The following KIRREL3 variants were observed in gnomAD, a reference collection of about 807,000 sequenced individuals.
KIRREL3 encodes kin of IRRE-like protein 3.
KIRREL3 carries 36 observed loss-of-function variants against 89.7 expected under a neutral mutation model. The ratio of observed to expected loss-of-function variants is 0.40; its 90% CI spans 0.31 to 0.53. KIRREL3 has a LOEUF of 0.53. Ranked by LOEUF, KIRREL3 falls within the 20% of genes least tolerant of loss-of-function variation. The pLI, the probability that KIRREL3 is intolerant of heterozygous loss-of-function variation, is 0.49. For synonymous variants in KIRREL3, 445 were observed against 441.4 expected, an observed-to-expected ratio of 1.01 and a Z score of -0.10; for missense variants, 864 against 1,056.6, an observed-to-expected ratio of 0.82 and a Z score of 2.53.
In KIRREL3 at chr11:126,891,163, C is replaced by T. The variant is rs1243075424; in HGVS notation, c.55+109292G>A. ...CACATGGGTTTGAAGTGTACATAAGCCACAGTGGAAACATCTGAGAAGCGT... is the reference window on the plus strand; with the variant it reads ...CACATGGGTTTGAAGTGTACATAAGTCACAGTGGAAACATCTGAGAAGCGT... On this transcript the variant is annotated intron_variant, in intron 1 of 16. Coordinates refer to ENST00000525144, the MANE Select transcript of KIRREL3 (RefSeq NM_032531.4). This position sits in a 1 kb window ranked among gnomAD's most constrained non-coding sequence, Gnocchi z 5.1. Among the ~76,000 whole-genome samples, 1 of 152,096 alleles carries T rather than the reference C, an allele frequency of 6.6e-6. No individual in the cohort carries two copies.
intron 1 of KIRREL3, among the ~76,000 whole-genome samples, chr11:126,662,669 T>G (rs1945460688): frequency 6.6e-6 from 1 of 152,224 alleles, no homozygotes; most frequent in Non-Finnish European, 1.5e-5. Context: ...CTCTCAATAC[T>G]GTCACGTTGG....
rs1425765366 is a variant in KIRREL3 at position 126,640,178 on chromosome 11, T to A, written c.56-77266A>T. ...CTCTATGATTTTCTGTCTATCTCAC[T>A]CACCCTTCAGCTGGTGAGTGGTCCC... On this transcript the variant is annotated intron_variant, in intron 1 of 16. Transcript: ENST00000525144. This position sits in a 1 kb window ranked among gnomAD's most constrained non-coding sequence, Gnocchi z 4.9. 6.6e-6 allele frequency among the ~76,000 whole-genome samples: 1 copy of A among 152,138 alleles called. No homozygotes were observed. Among genetic ancestry groups the A allele is most frequent in the Non-Finnish European group, 1.5e-5 (1 of 68,024 alleles).
rs902278382 is a variant in KIRREL3, at chr11:126,519,438, C to A, written c.433+1877G>T. 3.3e-5 allele frequency among the ~76,000 whole-genome samples: 5 copies of A among 152,192 alleles called. No individual in the cohort carries two copies. The highest frequency in any genetic ancestry group is 4.8e-5 in the African/African-American group (2 of 41,430). ...TCCATTCTCTCATCTGTAAAACATT[C>A]GAAATAATCTGGACTTTTAATACGT... On this transcript the variant is annotated intron_variant, in intron 4 of 16. Transcript: ENST00000525144. This position sits in a 1 kb window ranked among gnomAD's most constrained non-coding sequence, Gnocchi z 4.3.
In KIRREL3 at chr11:126,477,710, C is replaced by T. The variant is rs576115446; in HGVS notation, c.434-4244G>A. Among the ~76,000 whole-genome samples, 12 of 152,296 alleles carry T rather than the reference C, an allele frequency of 7.9e-5. No homozygotes were observed. The highest frequency in any genetic ancestry group is 2.0e-4 in the Admixed American group (3 of 15,304). On this transcript the variant is annotated intron_variant, in intron 4 of 16. Transcript: ENST00000525144. This position sits in a 1 kb window ranked among gnomAD's most constrained non-coding sequence, Gnocchi z 4.8. ...ACAAGGACAGCACTGAGGGAATTTCCTCCAGTGTCCACTTGGTCACCCAAC... is the reference window on the plus strand; with the variant it reads ...ACAAGGACAGCACTGAGGGAATTTCTTCCAGTGTCCACTTGGTCACCCAAC...
chr11:126,911,224 G>T (rs1262979997), intron 1 of KIRREL3, among the ~76,000 whole-genome samples: 1 of 152,130 alleles, frequency 6.6e-6, no homozygotes, highest in East Asian at 1.9e-4. Context: ...GCAGAAAGGA[G>T]ACCAGCAAAT....
At chr11:126,941,080 C>G (rs947816132) in intron 1 of KIRREL3, among the ~76,000 whole-genome samples, 1 of 152,042 alleles carries the variant, frequency 6.6e-6, no homozygotes, top group Non-Finnish European at 1.5e-5. Flanking sequence ...ATTCAGACAC[C>G]ATTCATGATG....
At position 126,902,990 on chromosome 11, in the gene KIRREL3, TA is replaced by T. The variant is rs60361441; in HGVS notation, c.55+97464del. 2.5e-4 allele frequency among the ~76,000 whole-genome samples: 38 copies of T among 152,002 alleles called. 1 individual carries two copies. Among genetic ancestry groups the T allele is most frequent in the African/African-American group, 7.0e-4 (29 of 41,492 alleles). On this transcript the variant is annotated intron_variant, in intron 1 of 16. Coordinates refer to ENST00000525144, the MANE Select transcript of KIRREL3 (RefSeq NM_032531.4). ...TACTTCATCTGAATAATACTTTTTT[TA>T]AAAAAAAGGAAGCCCAGCGTCCTAT... is the stretch of plus-strand genomic sequence containing the variant.
At position 126,891,543 on chromosome 11, in the gene KIRREL3, C is replaced by T. The variant is rs1474990184; in HGVS notation, c.55+108912G>A. On this transcript the variant is annotated intron_variant, in intron 1 of 16. Transcript: ENST00000525144. This position sits in a 1 kb window ranked among gnomAD's most constrained non-coding sequence, Gnocchi z 5.1. Reference sequence around the variant, plus strand: ...TGGATGGATTCCTTGGAAAGAGATGCACAGGGTGCTCCGACTGTTAGTCTG... The same window carrying T: ...TGGATGGATTCCTTGGAAAGAGATGTACAGGGTGCTCCGACTGTTAGTCTG... 6.6e-6 allele frequency among the ~76,000 whole-genome samples: 1 copy of T among 152,208 alleles called. No homozygotes were observed. The highest frequency in any genetic ancestry group is 1.9e-4 in the East Asian group (1 of 5,190).
In KIRREL3 at chr11:126,697,146, A is replaced by T. The variant is rs1311565687; in HGVS notation, c.56-134234T>A. Among the ~76,000 whole-genome samples, 1 of 152,112 alleles carries T rather than the reference A, an allele frequency of 6.6e-6. No homozygotes were observed. Among genetic ancestry groups the T allele is most frequent in the Non-Finnish European group, 1.5e-5 (1 of 68,024 alleles). ...CCTCCTTGCAAATGAAGGCTTAGTC[A>T]CTTCCTCCGCTGGTCCCCCAGACCT... On this transcript the variant is annotated intron_variant, in intron 1 of 16. Transcript: ENST00000525144. The surrounding 1 kb of genome is among the most constrained non-coding windows in gnomAD (Gnocchi z 4.2).
At position 126,744,967 on chromosome 11, in the gene KIRREL3, G is replaced by A. The variant is rs375482750; in HGVS notation, c.56-182055C>T. On this transcript the variant is annotated intron_variant, in intron 1 of 16. Coordinates refer to ENST00000525144, the MANE Select transcript of KIRREL3 (RefSeq NM_032531.4). The surrounding 1 kb of genome is among the most constrained non-coding windows in gnomAD (Gnocchi z 4.7). ...CTTTCAGACACATTAGGTTGGAGGT[G>A]ATGCGAACTGTCTTGCTGGAAGTGT... 7.2e-5 allele frequency among the ~76,000 whole-genome samples: 11 copies of A among 152,166 alleles called. No individual in the cohort carries two copies. Among genetic ancestry groups the A allele is most frequent in the African/African-American group, 2.7e-4 (11 of 41,422 alleles).
rs1357436219 is a variant in KIRREL3 at position 126,521,704 on chromosome 11, G to C, written c.284-240C>G. Among the ~76,000 whole-genome samples, 50 of 149,720 alleles carry C rather than the reference G, an allele frequency of 3.3e-4. No homozygotes were observed. Among genetic ancestry groups the C allele is most frequent in the African/African-American group, 1.2e-3 (48 of 40,378 alleles). The stretch of plus-strand genomic sequence containing the variant: ...TGTGTGTGTGTGTGTGTGTGTGTGT[G>C]TGTGTGTGTGTGTGTGTGTGTGTGT... On this transcript the variant is annotated intron_variant, in intron 3 of 16. Coordinates refer to ENST00000525144, the MANE Select transcript of KIRREL3 (RefSeq NM_032531.4). This position sits in a 1 kb window ranked among gnomAD's most constrained non-coding sequence, Gnocchi z 4.1.
At chr11:126,593,103 AG>A (rs2134715806) in intron 1 of KIRREL3, among the ~76,000 whole-genome samples, 1 of 152,296 alleles carries the variant, frequency 6.6e-6, no homozygotes, top group East Asian at 1.9e-4. Flanking sequence ...ATAGGAAAAA[AG>A]CCAGGGCTTT....
In KIRREL3 at chr11:126,723,160, A is replaced by G. The variant is rs116590022; in HGVS notation, c.56-160248T>C. On this transcript the variant is annotated intron_variant, in intron 1 of 16. Transcript: ENST00000525144. This position sits in a 1 kb window ranked among gnomAD's most constrained non-coding sequence, Gnocchi z 4.0. The stretch of plus-strand genomic sequence containing the variant: ...TGGTTTGTTCGTCTCCGTCCCAGGC[A>G]TCTATCTCAGAGCCTGCAGCCCTGA... 6.6e-6 allele frequency among the ~76,000 whole-genome samples: 1 copy of G among 152,028 alleles called. No individual in the cohort carries two copies. The highest frequency in any genetic ancestry group is 1.5e-5 in the Non-Finnish European group (1 of 68,032).
chr11:126,622,902 C>A lies in KIRREL3; in HGVS notation c.56-59990G>T, dbSNP rs1249544542. ...CATCCTTATGAAAAGCAGATACTAT[C>A]ATTAGCTACATTTCATAATGAGGAA... On this transcript the variant is annotated intron_variant, in intron 1 of 16. Transcript: ENST00000525144. The surrounding 1 kb of genome is among the most constrained non-coding windows in gnomAD (Gnocchi z 5.2). 6.6e-6 allele frequency among the ~76,000 whole-genome samples: 1 copy of A among 152,128 alleles called. No homozygotes were observed. The highest frequency in any genetic ancestry group is 1.5e-5 in the Non-Finnish European group (1 of 68,034).
intron 2 of KIRREL3, among the ~76,000 whole-genome samples, chr11:126,560,568 T>G (rs1344886311): frequency 2.0e-5 from 3 of 152,196 alleles, no homozygotes; most frequent in African/African-American, 7.2e-5. Context: ...TTTTTTGGAA[T>G]GTAGTGAGGA....
At chr11:126,836,124 T>C (rs1192229486) in intron 1 of KIRREL3, among the ~76,000 whole-genome samples, 1 of 152,210 alleles carries the variant, frequency 6.6e-6, no homozygotes, top group African/African-American at 2.4e-5. Flanking sequence ...TTTTAATCAT[T>C]TCCCCACAAT....
chr11:126,922,714 GCAACAACAA>G (rs60734857), intron 1 of KIRREL3, among the ~76,000 whole-genome samples: 3 of 151,230 alleles, frequency 2.0e-5, no homozygotes, highest in Non-Finnish European at 2.9e-5. Context: ...AGGAGCAGCA[GCAACAACAA>G]CAACAACAAC....
In KIRREL3 at chr11:126,656,285, C is replaced by T. The variant is rs1289359497; in HGVS notation, c.56-93373G>A. ...AGGCTGGTTTCTTAACCATAACCTC[C>T]ATGATTCAGTTTCTTCATTTGCAAA... On this transcript the variant is annotated intron_variant, in intron 1 of 16. Transcript: ENST00000525144. This position sits in a 1 kb window ranked among gnomAD's most constrained non-coding sequence, Gnocchi z 4.0. The T allele has an allele frequency of 2.7e-5, 10 of 367,004 alleles. No homozygotes were observed. The highest frequency in any genetic ancestry group is 9.5e-5 in the Admixed American group (3 of 31,472). The allele number at this position is 367,004 out of a possible 1,614,324, so 22.7% of individuals were successfully genotyped here.
chr11:126,732,523 C>G (rs1448670683), intron 1 of KIRREL3, among the ~76,000 whole-genome samples: 1 of 152,208 alleles, frequency 6.6e-6, no homozygotes, highest in South Asian at 2.1e-4. Context: ...TAGGACTAAA[C>G]AGCTCATAAC....
Sources: gnomAD v4.1 joint callset for allele counts (sites outside exome capture counted in the v4.1 genomes callset) on GRCh38, gnomAD v4.1.1 for gene constraint, Gnocchi (gnomAD v3.1) non-coding constraint, MANE v1.5 for transcripts, NCBI Gene and HGNC (gene_info 2026-07-23, HGNC 2026-07-21) for gene names.